Variants in TESC observed in about 807,000 individuals in gnomAD.
TESC encodes tescalcin.
In TESC, 19 loss-of-function variants were observed where a neutral mutation model predicts 31.0. The observed-to-expected ratio is 0.61, with a 90% confidence interval of 0.43 to 0.90. The LOEUF (loss-of-function observed/expected upper bound fraction) is 0.90. Among genes scored for constraint, TESC ranks in the 40% least tolerant of loss-of-function variants. The probability of loss-of-function intolerance (pLI) is 0.00; values close to 1 mark genes in which losing one functional copy is unlikely to be tolerated. For missense variants in TESC, 248 were observed against 303.8 expected (o/e 0.82, Z 1.36); for synonymous variants, 109 against 114.8 (o/e 0.95, Z 0.32).
chr12:117,046,965 AGGGCATGAGCTGTG>A, intron 4 of TESC, 127 bp from the exon 5 acceptor site: 1 of 1,021,810 alleles, frequency 9.8e-7, no homozygotes, highest in Non-Finnish European at 1.4e-6. Flanking sequence ...CAGAGGGGTC[AGGGCATGAGCTGTG>A]GGACCAGACT....
At chr12:117,081,308 T>C (rs1263234378) in intron 1 of TESC, among the ~76,000 whole-genome samples, 1 of 152,128 alleles carries the variant, frequency 6.6e-6, no homozygotes, top group Non-Finnish European at 1.5e-5. Context: ...ATGGTAAAAA[T>C]GATCATTTTT....
intron 2 of TESC, among the ~76,000 whole-genome samples, chr12:117,068,146 G>A (rs746928619): frequency 6.6e-6 from 1 of 151,870 alleles, no homozygotes; most frequent in African/African-American, 2.4e-5. Context: ...CTTCCACCTC[G>A]GCCTCCCAAA....
intron 1 of TESC, among the ~76,000 whole-genome samples, chr12:117,087,604 G>C (rs1386767925): frequency 6.6e-6 from 1 of 152,218 alleles, no homozygotes; most frequent in Non-Finnish European, 1.5e-5. Context: ...AAAAATCACA[G>C]TCTGTTTCGC....
chr12:117,056,742 A>T, intron 3 of TESC, 64 bp downstream of exon 3: 1 of 1,532,140 alleles, frequency 6.5e-7, no homozygotes. Flanking sequence ...GGAAACAAGT[A>T]TCCCGAGATG....
rs117827596 is a variant in TESC at position 117,052,858 on chromosome 12, C to T, written c.210-3700G>A. On this transcript the variant is annotated intron_variant, in intron 3 of 7. Transcript: ENST00000335209. The stretch of plus-strand genomic sequence containing the variant: ...GCCTGGCCCAGCCCCCACCTTCTCA[C>T]GCACTCCAAGTGCAGCCGGAATGAG... 7.4e-4 allele frequency among the ~76,000 whole-genome samples: 112 copies of T among 152,228 alleles called. No homozygotes were observed. The East Asian group carries it at 0.017, about 23-fold the overall frequency.
chr12:117,051,589 C>T (rs1229152368), intron 3 of TESC, among the ~76,000 whole-genome samples: 1 of 152,232 alleles, frequency 6.6e-6, no homozygotes, highest in Admixed American at 6.5e-5. Context: ...AGCCCCCGGA[C>T]TTATCGGGCT....
At chr12:117,094,181 G>A (rs997478947) in intron 1 of TESC, among the ~76,000 whole-genome samples, 2 of 152,160 alleles carry the variant, frequency 1.3e-5, no homozygotes, top group African/African-American at 2.4e-5. Context: ...AGCCTTCTTG[G>A]CTCAGAAAAG....
intron 1 of TESC, among the ~76,000 whole-genome samples, chr12:117,091,515 G>A (rs576444913): frequency 6.6e-6 from 1 of 152,360 alleles, no homozygotes; most frequent in African/African-American, 2.4e-5. Flanking sequence ...AGGCAAGAAA[G>A]AAAGATGCAG....
intron 6 of TESC, among the ~76,000 whole-genome samples, chr12:117,043,621 C>T (rs547013304): frequency 6.6e-6 from 1 of 152,188 alleles, no homozygotes; most frequent in South Asian, 2.1e-4. Context: ...TACCACCATG[C>T]GTGGCTAATT....
chr12:117,046,986 G>A, intron 4 of TESC, 148 bp from the exon 5 acceptor site: 1 of 807,614 alleles, frequency 1.2e-6, no homozygotes. Context: ...TGTGGGACCA[G>A]ACTGACTACT....
chr12:117,058,989 G>C (rs1313144255), intron 2 of TESC, among the ~76,000 whole-genome samples: 1 of 152,162 alleles, frequency 6.6e-6, no homozygotes, highest in Non-Finnish European at 1.5e-5. Flanking sequence ...GGCCTCCACG[G>C]GCAGTGTCTT....
intron 7 of TESC, among the ~76,000 whole-genome samples, chr12:117,040,220 G>A (rs1013160921): frequency 3.9e-5 from 6 of 152,222 alleles, no homozygotes; most frequent in Admixed American, 1.3e-4. Context: ...CATGGGGTGT[G>A]CAAAGACAGC....
chr12:117,046,719 G>C (rs564317707), intron 5 of TESC, 53 bp from the exon 6 acceptor site: 6 of 1,552,610 alleles, frequency 3.9e-6, no homozygotes, highest in Non-Finnish European at 3.5e-6. Flanking sequence ...TCAGGGTCGT[G>C]GGGGGCAGAG....
At chr12:117,053,002 A>G (rs1954669990) in intron 3 of TESC, among the ~76,000 whole-genome samples, 1 of 152,152 alleles carries the variant, frequency 6.6e-6, no homozygotes, top group South Asian at 2.1e-4. Context: ...GGGTGGTCTC[A>G]GCCACCCACA....
intron 2 of TESC, 73 bp downstream of exon 2, chr12:117,075,198 A>C: frequency 6.7e-7 from 1 of 1,493,414 alleles, no homozygotes; most frequent in South Asian, 1.2e-5. Flanking sequence ...CTCAGCACTC[A>C]AGAAAAGAAA....
intron 2 of TESC, among the ~76,000 whole-genome samples, chr12:117,071,589 T>C (rs1455486817): frequency 6.6e-6 from 1 of 152,230 alleles, no homozygotes; most frequent in East Asian, 1.9e-4. Context: ...AGAGGGCTGT[T>C]GAGCAGAGGC....
rs767731936 is a variant in TESC, at chr12:117,039,027, T to G, written c.*106A>C. 59 of 1,267,098 alleles carry G rather than the reference T, an allele frequency of 4.7e-5. No individual in the cohort carries two copies. The highest frequency in any genetic ancestry group is 2.9e-5 in the Non-Finnish European group (26 of 890,608). 78.5% of individuals were successfully genotyped at this position (1,267,098 alleles called of 1,614,324 possible). A position where few individuals can be genotyped will look rare whatever the true frequency, so the allele number is the denominator to read the frequency against. On this transcript the variant is annotated 3_prime_UTR_variant, in exon 8 of 8. Transcript: ENST00000335209. ...GGTGCGCAGACGAGCCTTGGCTATGTACCGGCGCTGCAGGAAGAGGCTGTC... is the reference window on the plus strand; with the variant it reads ...GGTGCGCAGACGAGCCTTGGCTATGGACCGGCGCTGCAGGAAGAGGCTGTC...
Position 117,039,177 on chromosome 12 carries a change from G to A in TESC, c.601C>T (p.His201Tyr), listed in dbSNP as rs1483634632. ...GTTTCCATGTTAAGGAAGCGGACGT[G>A]CATCTTGGTCTCAATGTCGATCCCC... ...WQGIDIETKM[H>Y]VRFLNMETMA... Residue 201 changes from histidine to tyrosine, a missense_variant, in exon 8 of 8, where the codon CAC becomes TAC. Coordinates refer to ENST00000335209, the MANE Select transcript of TESC (RefSeq NM_017899.4). 6.2e-7 allele frequency: 1 copy of A among 1,613,966 alleles called. No homozygotes were observed. Among genetic ancestry groups the A allele is most frequent in the African/African-American group, 1.3e-5 (1 of 74,944 alleles).
intron 2 of TESC, among the ~76,000 whole-genome samples, chr12:117,067,218 T>C (rs1461568629): frequency 6.6e-6 from 1 of 152,158 alleles, no homozygotes; most frequent in Non-Finnish European, 1.5e-5. Context: ...TGAAACAGCC[T>C]GCTGAGCTAG....
Sources: allele counts gnomAD v4.1 joint callset (sites outside exome capture counted in the v4.1 genomes callset), GRCh38; gene constraint gnomAD v4.1.1; transcripts MANE v1.5; gene names NCBI Gene and HGNC (gene_info 2026-07-23, HGNC 2026-07-21).